OR6N1: variants seen among roughly 807,000 people sequenced by gnomAD.
The protein encoded by OR6N1 is olfactory receptor family 6 subfamily N member 1.
For missense variants in OR6N1, 394 were observed against 371.7 expected (o/e 1.06, Z -0.49); for synonymous variants, 170 against 150.7 (o/e 1.13, Z -0.94).
chr1:158,810,048 G>T, the OR6N1 span, among the ~76,000 whole-genome samples: 1 of 152,124 alleles, frequency 6.6e-6, no homozygotes, highest in Non-Finnish European at 1.5e-5. Flanking sequence ...CTAAGCATTA[G>T]GTTGAGCAAC....
At chr1:158,770,972 C>G (rs928268822) in intron 1 of OR6N1, among the ~76,000 whole-genome samples, 2 of 152,218 alleles carry the variant, frequency 1.3e-5, no homozygotes, top group South Asian at 4.1e-4. Context: ...CCCTATTGCT[C>G]TGGTCCAGAG....
chr1:158,765,902 G>T lies in OR6N1; in HGVS notation c.781C>A (p.Gln261Lys), dbSNP rs553756004. 1 of 1,614,122 alleles carries T rather than the reference G, an allele frequency of 6.2e-7. No individual in the cohort carries two copies. The highest frequency in any genetic ancestry group is 8.5e-7 in the Non-Finnish European group (1 of 1,179,994). ...FYGSILSMYV[Q>K]LKKSYSLDYD... ...TCCAGTGAGTAGCTCTTCTTCAGCT[G>T]CACATACATGGAAAGGATGCTCCCA... The change falls in exon 2 of 2, where the codon CAG (glutamine) becomes AAG (lysine). Residue 261 changes from glutamine (Q) to lysine (K), a missense_variant. Gln to Lys is a moderately conservative substitution (Grantham distance 53). Coordinates refer to ENST00000641846, the MANE Select transcript of OR6N1 (RefSeq NM_001005185.2).
chr1:158,784,856 C>T, the OR6N1 span, among the ~76,000 whole-genome samples: 1 of 152,050 alleles, frequency 6.6e-6, no homozygotes, highest in Admixed American at 6.6e-5. Flanking sequence ...ATAAAACCAC[C>T]ATATGATTCA....
the OR6N1 span, among the ~76,000 whole-genome samples, chr1:158,780,108 A>C: frequency 6.6e-6 from 1 of 152,210 alleles, no homozygotes. Context: ...ATTCTAATAA[A>C]CTTAGCGTCT....
the OR6N1 span, among the ~76,000 whole-genome samples, chr1:158,794,504 G>A: frequency 3.9e-5 from 6 of 152,078 alleles, no homozygotes; most frequent in Non-Finnish European, 5.9e-5. Context: ...CACACTCCAC[G>A]CTGTTGCCAG....
the OR6N1 span, among the ~76,000 whole-genome samples, chr1:158,780,749 G>T: frequency 6.6e-6 from 1 of 152,162 alleles, no homozygotes; most frequent in African/African-American, 2.4e-5. Context: ...GTTCATTGGG[G>T]ACTGTCTATA....
chr1:158,826,928 T>C, the OR6N1 span, among the ~76,000 whole-genome samples: 2 of 152,142 alleles, frequency 1.3e-5, no homozygotes, highest in South Asian at 2.1e-4. Flanking sequence ...AATAAAGATA[T>C]ACCAGGTTAT....
chr1:158,808,024 C>G, the OR6N1 span, among the ~76,000 whole-genome samples: 1 of 151,372 alleles, frequency 6.6e-6, no homozygotes, highest in African/African-American at 2.4e-5. Context: ...GATTGACAAG[C>G]CAACCAGCTG....
At chr1:158,800,454 A>G in the OR6N1 span, among the ~76,000 whole-genome samples, 1 of 152,260 alleles carries the variant, frequency 6.6e-6, no homozygotes, top group African/African-American at 2.4e-5. Context: ...ACCAAATGTC[A>G]GAAAAGAGAA....
the OR6N1 span, among the ~76,000 whole-genome samples, chr1:158,787,230 C>A: frequency 6.6e-6 from 1 of 152,066 alleles, no homozygotes; most frequent in Non-Finnish European, 1.5e-5. Flanking sequence ...TCCTCTTTTG[C>A]CTCCTGTCAT....
At chr1:158,815,305 G>A in the OR6N1 span, among the ~76,000 whole-genome samples, 1 of 152,068 alleles carries the variant, frequency 6.6e-6, no homozygotes, top group Admixed American at 6.6e-5. Context: ...AAGTCTCCAC[G>A]TATATTGTAA....
the OR6N1 span, among the ~76,000 whole-genome samples, chr1:158,833,901 T>C: frequency 6.6e-6 from 1 of 152,224 alleles, no homozygotes; most frequent in Non-Finnish European, 1.5e-5. Context: ...GGTAATGTTA[T>C]TTTTAATTTT....
At chr1:158,779,645 TC>T in the OR6N1 span, among the ~76,000 whole-genome samples, 3 of 152,182 alleles carry the variant, frequency 2.0e-5, no homozygotes, top group Non-Finnish European at 4.4e-5. Flanking sequence ...GACTGTACAT[TC>T]ACCTCTCCAA....
the OR6N1 span, among the ~76,000 whole-genome samples, chr1:158,812,762 G>GA: frequency 6.6e-6 from 1 of 151,988 alleles, no homozygotes; most frequent in East Asian, 1.9e-4. Context: ...TATTTTCCAA[G>GA]AAAAAATGTG....
the OR6N1 span, among the ~76,000 whole-genome samples, chr1:158,827,849 T>G: frequency 6.6e-6 from 1 of 152,192 alleles, no homozygotes; most frequent in Non-Finnish European, 1.5e-5. Context: ...TACCTGAGAC[T>G]GGGCCTTTTA....
upstream of OR6N1, chr1:158,774,352 T>TA (rs1005165622): frequency 7.2e-5 from 11 of 152,160 alleles, no homozygotes; most frequent in Admixed American, 6.5e-4. Flanking sequence ...CCTGCTGAGA[T>TA]AAAACACACA....
chr1:158,838,362 T>C, the OR6N1 span, among the ~76,000 whole-genome samples: 1 of 152,090 alleles, frequency 6.6e-6, no homozygotes, highest in Admixed American at 6.5e-5. Flanking sequence ...TATAGCATTT[T>C]TGATGGACAG....
chr1:158,824,042 T>C, the OR6N1 span, among the ~76,000 whole-genome samples: 1 of 101,880 alleles, frequency 9.8e-6, no homozygotes, highest in African/African-American at 3.4e-5. Flanking sequence ...TTGGTATTGA[T>C]TTTTTTTTAA....
rs866089888 is a variant in OR6N1 at position 158,766,308 on chromosome 1, G to C, written c.375C>G (p.Ala125=). The change falls in exon 2 of 2, where the codon GCC becomes GCG. Residue 125 remains alanine, a synonymous_variant. Coordinates refer to ENST00000641846, the MANE Select transcript of OR6N1 (RefSeq NM_001005185.2). ...LTAMAYDRYL[A]ICRPLHYPTL... ...TTGGGTAGTGGAGGGGCCGGCAGAT[G>C]GCTAAATACCTATCGTAGGCCATAG... 3 of 1,614,106 alleles carry C rather than the reference G, an allele frequency of 1.9e-6. No individual in the cohort carries two copies. The Admixed American group carries it at 5.0e-5, about 27-fold the overall frequency.
Sources: gnomAD v4.1 joint callset for allele counts (sites outside exome capture counted in the v4.1 genomes callset) on GRCh38, gnomAD v4.1.1 for gene constraint, MANE v1.5 for transcripts, NCBI Gene and HGNC (gene_info 2026-07-23, HGNC 2026-07-21) for gene names.